Variants in USP54 observed in about 807,000 individuals in gnomAD.
USP54 encodes the protein ubiquitin specific peptidase 54, also known as ubiquitin carboxyl-terminal hydrolase 54.
Under a neutral mutation model 170.5 loss-of-function variants are expected in USP54, and 87 were observed. The ratio of observed to expected loss-of-function variants is 0.51; its 90% CI spans 0.43 to 0.61. The LOEUF (loss-of-function observed/expected upper bound fraction) is 0.61, where lower values mean the gene tolerates loss of function less well. USP54 is among the 20% of genes least tolerant of loss of function. USP54 has a pLI of 0.00. For missense variants in USP54, 1,786 were observed against 2,047.8 expected, an observed-to-expected ratio of 0.87 and a Z score of 2.47; for synonymous variants, 655 against 742.8, an observed-to-expected ratio of 0.88 and a Z score of 1.92.
chr10:73,519,940 G>A lies in USP54; in HGVS notation c.2535C>T (p.Ala845=). 6.2e-7 allele frequency: 1 copy of A among 1,613,594 alleles called. No individual in the cohort carries two copies. Among genetic ancestry groups the A allele is most frequent in the African/African-American group, 1.3e-5 (1 of 75,016 alleles). The change falls in exon 19 of 24, where the codon GCC becomes GCT. Residue 845 remains alanine, a synonymous_variant. Coordinates refer to ENST00000687698, the MANE Select transcript of USP54 (RefSeq NM_001391956.1). Reference sequence around the variant, plus strand: ...TGATTTGCAACTTCTTATCGACTAGGGCTCTGCTGTGCGTGCTACAGCTGG... The same window carrying A: ...TGATTTGCAACTTCTTATCGACTAGAGCTCTGCTGTGCGTGCTACAGCTGG... The part of the protein sequence containing the change: ...HGASCSTHSR[A]LVDKKLQISI...
At chr10:73,614,934 T>C (rs2080495071) in intron 1 of USP54, 1 of 150,298 alleles carries the variant, frequency 6.7e-6, no homozygotes, top group East Asian at 1.9e-4. Context: ...TGCAACAGAT[T>C]GTAGAAAATA....
At chr10:73,541,256 G>C (rs1564759001) in intron 9 of USP54, 119 bp downstream of exon 9, 1 of 1,432,412 alleles carries the variant, frequency 7.0e-7, no homozygotes, top group Non-Finnish European at 9.4e-7. Context: ...AAGTTTATCT[G>C]TCCAAAACAT....
chr10:73,533,292 C>T (rs974432435), intron 12 of USP54, among the ~76,000 whole-genome samples: 5 of 150,678 alleles, frequency 3.3e-5, no homozygotes, highest in East Asian at 1.9e-4. Context: ...GGCGACAGAG[C>T]GACTCCAACT....
intron 12 of USP54, 137 bp from the exon 13 acceptor site, chr10:73,530,972 C>T: frequency 8.1e-7 from 1 of 1,238,340 alleles, no homozygotes; most frequent in Admixed American, 2.3e-5. Flanking sequence ...CATAGGCTAT[C>T]TGATTTCAGT....
At chr10:73,620,244 C>T (rs1017454239) in intron 1 of USP54, among the ~76,000 whole-genome samples, 2 of 147,834 alleles carry the variant, frequency 1.4e-5, no homozygotes, top group Non-Finnish European at 3.0e-5. Context: ...ACCTGGGAGG[C>T]GGAGGTTGTA....
At chr10:73,569,188 T>A (rs755984458) in intron 4 of USP54, among the ~76,000 whole-genome samples, 1 of 152,174 alleles carries the variant, frequency 6.6e-6, no homozygotes, top group Non-Finnish European at 1.5e-5. Flanking sequence ...TTTTTGTTTT[T>A]TTCTCCCTTT....
chr10:73,502,353 GGCTGGAGT>G (rs1394304015), intron 22 of USP54, among the ~76,000 whole-genome samples: 1 of 152,064 alleles, frequency 6.6e-6, no homozygotes, highest in Non-Finnish European at 1.5e-5. Context: ...CTGTCACCCA[GGCTGGAGT>G]GCAGTGGCGC....
At chr10:73,565,562 C>T (rs1341615089) in intron 4 of USP54, among the ~76,000 whole-genome samples, 1 of 152,084 alleles carries the variant, frequency 6.6e-6, no homozygotes, top group Non-Finnish European at 1.5e-5. Flanking sequence ...TCTGAGGTCA[C>T]TCACTCTGTT....
At chr10:73,586,480 G>A (rs16930723) in intron 1 of USP54, among the ~76,000 whole-genome samples, 7,875 of 152,174 alleles carry the variant, frequency 0.052, 625 homozygotes, top group African/African-American at 0.17. Flanking sequence ...ACTACATTTT[G>A]TCTTAAGGGC....
chr10:73,622,295 T>C (rs573582009), intron 1 of USP54, among the ~76,000 whole-genome samples: 13 of 149,822 alleles, frequency 8.7e-5, no homozygotes, highest in African/African-American at 3.3e-4. Flanking sequence ...CTTAAGACTG[T>C]TGTAATATTT....
intron 20 of USP54, among the ~76,000 whole-genome samples, chr10:73,514,364 A>T (rs940882008): frequency 6.6e-6 from 1 of 151,790 alleles, no homozygotes; most frequent in Non-Finnish European, 1.5e-5. Flanking sequence ...GGGCTTCGAG[A>T]TGAGCCTGGC....
intron 1 of USP54, chr10:73,624,534 T>G (rs1040831578): frequency 6.6e-6 from 1 of 152,008 alleles, no homozygotes; most frequent in Non-Finnish European, 1.5e-5. Flanking sequence ...AATTAATGCA[T>G]TTGTGAACCT....
At chr10:73,505,056 T>C in intron 21 of USP54, 66 bp from the exon 22 acceptor site, 1 of 1,602,818 alleles carries the variant, frequency 6.2e-7, no homozygotes, top group Non-Finnish European at 8.5e-7. Flanking sequence ...CCACAGACAG[T>C]ATCCTCAGGG....
At chr10:73,563,501 G>A (rs556008035) in intron 4 of USP54, among the ~76,000 whole-genome samples, 20 of 151,556 alleles carry the variant, frequency 1.3e-4, no homozygotes, top group African/African-American at 4.1e-4. Flanking sequence ...GTAATGGCAC[G>A]ATCTCAGCTC....
At chr10:73,569,545 G>T (rs554261699) in intron 4 of USP54, among the ~76,000 whole-genome samples, 3 of 152,000 alleles carry the variant, frequency 2.0e-5, no homozygotes, top group Middle Eastern at 3.2e-3. Context: ...ACTTTGGGAG[G>T]CCGAGGCGGG....
chr10:73,602,203 T>C (rs1391670967), intron 1 of USP54, among the ~76,000 whole-genome samples: 1 of 152,198 alleles, frequency 6.6e-6, no homozygotes, highest in Non-Finnish European at 1.5e-5. Context: ...AGTCTATTTA[T>C]TGGTAAAGTA....
rs574606635 is a variant in USP54, at chr10:73,509,772, T to C, written c.4052-4346A>G. Among the ~76,000 whole-genome samples, 8 of 151,846 alleles carry C rather than the reference T, an allele frequency of 5.3e-5. No homozygotes were observed. In the East Asian group the frequency reaches 1.4e-3, roughly 26 times the overall value. On this transcript the variant is annotated intron_variant, in intron 20 of 23. Transcript: ENST00000687698. ...CCTGTAATCCTAGCACTTTGGGTGG[T>C]TGAGGCGGGTAAACTACTTGAGCTC...
chr10:73,560,499 CAAA>C (rs1261424584), intron 4 of USP54, among the ~76,000 whole-genome samples: 1 of 124,004 alleles, frequency 8.1e-6, no homozygotes, highest in Non-Finnish European at 1.7e-5. Flanking sequence ...ACTAAAAATA[CAAA>C]AAAAAAAAAA....
intron 4 of USP54, among the ~76,000 whole-genome samples, chr10:73,556,286 A>G (rs1317434192): frequency 6.6e-6 from 1 of 152,094 alleles, no homozygotes; most frequent in Non-Finnish European, 1.5e-5. Context: ...TTCCATTTCT[A>G]CAATCTGCAA....
Sources: gnomAD v4.1 joint callset for allele counts (sites outside exome capture counted in the v4.1 genomes callset) on GRCh38, gnomAD v4.1.1 for gene constraint, MANE v1.5 for transcripts, NCBI Gene and HGNC (gene_info 2026-07-23, HGNC 2026-07-21) for gene names.